Variants in DRC9 observed in about 807,000 individuals in gnomAD.
DRC9 encodes the protein dynein regulatory complex subunit 9.
the DRC9 span, chr3:197,932,168 T>A: frequency 1.2e-6 from 2 of 1,610,786 alleles, no homozygotes; most frequent in East Asian, 4.5e-5. Flanking sequence ...CTAACATGAC[T>A]CTGACCTGGC....
chr3:197,940,959 G>A, the DRC9 span, among the ~76,000 whole-genome samples: 1 of 152,078 alleles, frequency 6.6e-6, no homozygotes, highest in African/African-American at 2.4e-5. Flanking sequence ...CAGTGCAAAA[G>A]TTTCATTCAT....
At chr3:197,928,324 A>G in the DRC9 span, among the ~76,000 whole-genome samples, 2 of 145,710 alleles carry the variant, frequency 1.4e-5, no homozygotes, top group African/African-American at 5.0e-5. Flanking sequence ...GAACACATGC[A>G]TTTATTTCTG....
the DRC9 span, among the ~76,000 whole-genome samples, chr3:197,917,870 A>T: frequency 2.7e-5 from 4 of 150,730 alleles, no homozygotes; most frequent in Non-Finnish European, 4.4e-5. Context: ...AGCTGGGATT[A>T]CAGGCATGTG....
At chr3:197,934,202 A>ATTTTTT in the DRC9 span, among the ~76,000 whole-genome samples, 1 of 48,972 alleles carries the variant, frequency 2.0e-5, no homozygotes, top group Non-Finnish European at 3.1e-5. Context: ...TTTTTTTTTG[A>ATTTTTT]GACAAGAGTG....
At chr3:197,931,353 G>T in the DRC9 span, among the ~76,000 whole-genome samples, 1 of 151,806 alleles carries the variant, frequency 6.6e-6, no homozygotes, top group African/African-American at 2.4e-5. Flanking sequence ...GTGGTGGCAG[G>T]CGCCTGTAAT....
At chr3:197,916,284 G>A in the DRC9 span, 1 of 157,094 alleles carries the variant, frequency 6.4e-6, no homozygotes, top group Non-Finnish European at 1.4e-5. Flanking sequence ...TGTTGTTGTT[G>A]TTGTTGTTGT....
At chr3:197,889,794 ATAAAG>A in the DRC9 span, 7 of 1,511,000 alleles carry the variant, frequency 4.6e-6, no homozygotes, top group African/African-American at 1.4e-5. Context: ...GGACTGTTGA[ATAAAG>A]TAACTTCTGT....
chr3:197,945,847 C>T, the DRC9 span, among the ~76,000 whole-genome samples: 666 of 152,248 alleles, frequency 4.4e-3, 1 homozygote, highest in African/African-American at 0.015. Flanking sequence ...AAAGAGCCTC[C>T]GACATCATGG....
At chr3:197,903,961 A>G in the DRC9 span, among the ~76,000 whole-genome samples, 2 of 149,850 alleles carry the variant, frequency 1.3e-5, no homozygotes, top group East Asian at 1.9e-4. Flanking sequence ...CTCTATGTGT[A>G]TAACATATAC....
chr3:197,949,800 C>G, the DRC9 span: 1 of 361,520 alleles, frequency 2.8e-6, no homozygotes, highest in Non-Finnish European at 4.9e-6. Context: ...CTGTGTGTAT[C>G]GAGAGAAAAG....
At chr3:197,959,513 CAGTAT>C in the DRC9 span, 3 of 152,184 alleles carry the variant, frequency 2.0e-5, no homozygotes, top group African/African-American at 7.2e-5. Context: ...CTTCATTTCC[CAGTAT>C]AGTAGCTTAC....
chr3:197,901,784 G>A, the DRC9 span, among the ~76,000 whole-genome samples: 4 of 152,220 alleles, frequency 2.6e-5, no homozygotes, highest in Admixed American at 6.5e-5. The surrounding 1 kb of genome is among the most constrained non-coding windows in gnomAD (Gnocchi z 4.4). Flanking sequence ...CTCTGGACCC[G>A]CCCAGGGCCT....
At chr3:197,960,175 G>A in the DRC9 span, 1 of 1,516,738 alleles carries the variant, frequency 6.6e-7, no homozygotes, top group Non-Finnish European at 8.9e-7. Context: ...TCTACCCCCA[G>A]CGGCGAGGGG....
the DRC9 span, among the ~76,000 whole-genome samples, chr3:197,901,473 G>A: frequency 1.3e-5 from 2 of 152,218 alleles, no homozygotes; most frequent in African/African-American, 4.8e-5. This position sits in a 1 kb window ranked among gnomAD's most constrained non-coding sequence, Gnocchi z 4.4. Context: ...TTCTGGTCCT[G>A]TTCTGGGCAA....
chr3:197,956,845 A>G, the DRC9 span: 1 of 152,270 alleles, frequency 6.6e-6, no homozygotes, highest in African/African-American at 2.4e-5. Flanking sequence ...CCCAGGTAGT[A>G]CTACATTTCT....
the DRC9 span, among the ~76,000 whole-genome samples, chr3:197,902,520 T>C: frequency 6.6e-6 from 1 of 151,418 alleles, no homozygotes; most frequent in Non-Finnish European, 1.5e-5. Flanking sequence ...TTAACAGAGA[T>C]TGAAATAATT....
At chr3:197,948,307 C>G in the DRC9 span, among the ~76,000 whole-genome samples, 1 of 152,206 alleles carries the variant, frequency 6.6e-6, no homozygotes, top group Non-Finnish European at 1.5e-5. Flanking sequence ...AATGCCTTAA[C>G]TGACACTTGT....
chr3:197,921,342 C>T, the DRC9 span, among the ~76,000 whole-genome samples: 6 of 93,158 alleles, frequency 6.4e-5, no homozygotes, highest in African/African-American at 1.4e-4. Context: ...TCTTCTTGGT[C>T]GACCCGACTA....
the DRC9 span, chr3:197,932,301 G>T: frequency 6.2e-7 from 1 of 1,608,730 alleles, no homozygotes; most frequent in Admixed American, 1.7e-5. Flanking sequence ...CTGAAAAACT[G>T]CCTGTAAGGA....
Sources: allele counts gnomAD v4.1 joint callset (sites outside exome capture counted in the v4.1 genomes callset), GRCh38; gene constraint gnomAD v4.1.1; non-coding constraint Gnocchi (gnomAD v3.1); transcripts MANE v1.5; gene names NCBI Gene and HGNC (gene_info 2026-07-23, HGNC 2026-07-21).